Variants in FHIT observed in about 807,000 individuals in gnomAD.
FHIT encodes the protein bis(5'-adenosyl)-triphosphatase.
A neutral mutation model predicts 17.9 loss-of-function variants in FHIT; 19 were observed. The observed-to-expected ratio is 1.06, with a 90% CI of 0.74 to 1.56. FHIT has a LOEUF of 1.56. Ranked by LOEUF, FHIT falls within the 40% of genes most tolerant of loss-of-function variation. The pLI is 0.00. For missense variants in FHIT, 248 were observed against 189.2 expected (o/e 1.31, Z -1.82); for synonymous variants, 81 against 69.7 (o/e 1.16, Z -0.81).
chr3:59,960,242 T>C (rs1707605749), intron 7 of FHIT, among the ~76,000 whole-genome samples: 1 of 152,180 alleles, frequency 6.6e-6, no homozygotes, highest in African/African-American at 2.4e-5. Flanking sequence ...GGTCACTTAG[T>C]TCAGATCAGA....
intron 5 of FHIT, among the ~76,000 whole-genome samples, chr3:60,484,787 A>T (rs554324314): frequency 3.3e-5 from 5 of 152,352 alleles, no homozygotes; most frequent in Admixed American, 3.3e-4. Context: ...AATTGCAACA[A>T]AGGTCAAAAT....
intron 4 of FHIT, among the ~76,000 whole-genome samples, chr3:60,813,751 A>G (rs1559742307): frequency 6.6e-6 from 1 of 152,216 alleles, no homozygotes; most frequent in Non-Finnish European, 1.5e-5. Flanking sequence ...GAAAAGACAT[A>G]AAGTGATCTC....
intron 8 of FHIT, among the ~76,000 whole-genome samples, chr3:59,890,628 T>A (rs1403288804): frequency 3.9e-5 from 6 of 152,190 alleles, no homozygotes; most frequent in African/African-American, 1.4e-4. Flanking sequence ...AGCTTATGCA[T>A]CTTAGCAGTC....
chr3:60,731,114 G>C (rs533794836), intron 4 of FHIT, among the ~76,000 whole-genome samples: 1 of 152,090 alleles, frequency 6.6e-6, no homozygotes, highest in African/African-American at 2.4e-5. Context: ...CTGGGTGATA[G>C]AGCGAGACTC....
chr3:60,829,148 G>A (rs564386769), intron 3 of FHIT, among the ~76,000 whole-genome samples: 21 of 152,270 alleles, frequency 1.4e-4, no homozygotes, highest in East Asian at 7.7e-4. Context: ...TGAGCCAAGC[G>A]CAGTGCCAAA....
chr3:60,638,550 C>T (rs959283155), intron 4 of FHIT, among the ~76,000 whole-genome samples: 1 of 152,116 alleles, frequency 6.6e-6, no homozygotes, highest in Non-Finnish European at 1.5e-5. Flanking sequence ...GGTCGTGTAC[C>T]AGATCAATCA....
chr3:60,268,222 C>T (rs566355371), intron 5 of FHIT, among the ~76,000 whole-genome samples: 3 of 152,136 alleles, frequency 2.0e-5, no homozygotes, highest in Non-Finnish European at 2.9e-5. Context: ...TATTCTTATG[C>T]TGAATAATCT....
At chr3:60,524,741 T>C (rs1448861136) in intron 5 of FHIT, among the ~76,000 whole-genome samples, 1 of 152,178 alleles carries the variant, frequency 6.6e-6, no homozygotes, top group African/African-American at 2.4e-5. Flanking sequence ...ACGATCATGT[T>C]GTGTCCTCCT....
At chr3:60,378,596 GAAGT>G (rs1700672667) in intron 5 of FHIT, among the ~76,000 whole-genome samples, 1 of 152,138 alleles carries the variant, frequency 6.6e-6, no homozygotes, top group Non-Finnish European at 1.5e-5. Flanking sequence ...TTAAGGAAAG[GAAGT>G]ATCTTTCAAA....
chr3:60,350,307 G>A (rs998738506), intron 5 of FHIT, among the ~76,000 whole-genome samples: 1 of 152,088 alleles, frequency 6.6e-6, no homozygotes, highest in African/African-American at 2.4e-5. Flanking sequence ...AGTGGAGATG[G>A]CACTGAACTG....
At chr3:60,418,084 ATAT>A (rs1421459174) in intron 5 of FHIT, among the ~76,000 whole-genome samples, 1 of 152,066 alleles carries the variant, frequency 6.6e-6, no homozygotes, top group African/African-American at 2.4e-5. Context: ...GTTGCAATTA[ATAT>A]TATAAAAGGC....
intron 3 of FHIT, among the ~76,000 whole-genome samples, chr3:60,836,552 T>G (rs186288560): frequency 6.6e-6 from 1 of 152,282 alleles, no homozygotes; most frequent in East Asian, 1.9e-4. Flanking sequence ...CAAATTTATG[T>G]GTGTAGAGTT....
intron 5 of FHIT, among the ~76,000 whole-genome samples, chr3:60,339,165 G>C (rs921923363): frequency 3.3e-5 from 5 of 152,122 alleles, no homozygotes; most frequent in African/African-American, 7.2e-5. Flanking sequence ...TATAAAATGA[G>C]TGATTTTTGC....
At chr3:60,924,572 A>T (rs1448665859) in intron 3 of FHIT, among the ~76,000 whole-genome samples, 1 of 152,168 alleles carries the variant, frequency 6.6e-6, no homozygotes, top group Non-Finnish European at 1.5e-5. Context: ...CACCATCATC[A>T]AAGACCAAAG....
chr3:61,000,485 C>T (rs1251362538), intron 3 of FHIT, among the ~76,000 whole-genome samples: 1 of 152,206 alleles, frequency 6.6e-6, no homozygotes, highest in Non-Finnish European at 1.5e-5. Flanking sequence ...ATCAGTCCTG[C>T]TGCTCTTTGA....
chr3:60,939,551 C>T (rs1343018383), intron 3 of FHIT, among the ~76,000 whole-genome samples: 4 of 152,038 alleles, frequency 2.6e-5, no homozygotes, highest in African/African-American at 9.7e-5. Flanking sequence ...AGCAGATCTG[C>T]ATTTAAAATA....
At chr3:60,793,350 G>A (rs1281642239) in intron 4 of FHIT, among the ~76,000 whole-genome samples, 1 of 151,570 alleles carries the variant, frequency 6.6e-6, no homozygotes, top group African/African-American at 2.4e-5. Context: ...CGCCCAGGCT[G>A]GAGTGCAGTG....
chr3:60,994,597 C>T (rs1299785160), intron 3 of FHIT, among the ~76,000 whole-genome samples: 1 of 151,954 alleles, frequency 6.6e-6, no homozygotes, highest in Non-Finnish European at 1.5e-5. Flanking sequence ...AAGATCATGC[C>T]GATCAAGTAC....
intron 5 of FHIT, among the ~76,000 whole-genome samples, chr3:60,167,596 A>C (rs1701231410): frequency 6.6e-6 from 1 of 152,190 alleles, no homozygotes; most frequent in Non-Finnish European, 1.5e-5. Context: ...GAATGATTAG[A>C]GGGCAACTAT....
Sources: gnomAD v4.1 joint callset for allele counts (sites outside exome capture counted in the v4.1 genomes callset) on GRCh38, gnomAD v4.1.1 for gene constraint, MANE v1.5 for transcripts, NCBI Gene and HGNC (gene_info 2026-07-23, HGNC 2026-07-21) for gene names.